CDH23: variants seen among roughly 807,000 people sequenced by gnomAD.
CDH23 encodes cadherin-23.
Under a neutral mutation model 317.1 loss-of-function variants are expected in CDH23, and 189 were observed. The observed-to-expected ratio is 0.60, with a 90% confidence interval of 0.53 to 0.67. The LOEUF (loss-of-function observed/expected upper bound fraction) is 0.67. CDH23 is among the 30% of genes least tolerant of loss of function. CDH23 has a pLI of 0.00. For synonymous variants in CDH23, 1,839 were observed against 1,876.8 expected (o/e 0.98, Z 0.52); for missense variants, 4,401 against 4,592.4 (o/e 0.96, Z 1.20).
chr10:71,613,743 G>T (rs1861033224), intron 9 of CDH23, among the ~76,000 whole-genome samples: 1 of 152,226 alleles, frequency 6.6e-6, no homozygotes, highest in Admixed American at 6.5e-5. Flanking sequence ...TTTAGAGTTG[G>T]GGAAGGGGAA....
Position 71,691,601 on chromosome 10 carries a change from G to A in CDH23, c.2176+1017G>A, listed in dbSNP as rs540427042. 5.9e-5 allele frequency among the ~76,000 whole-genome samples: 9 copies of A among 152,318 alleles called. No individual in the cohort carries two copies. The South Asian group carries it at 1.9e-3, about 32-fold the overall frequency. ...ACAGCCTTCCACATGATGATTCTGG[G>A]ACCCAGGCCCCTTCCATGTTGTGGC... is the stretch of plus-strand genomic sequence containing the variant. On this transcript the variant is annotated intron_variant, in intron 20 of 69. Coordinates refer to ENST00000224721, the MANE Select transcript of CDH23 (RefSeq NM_022124.6).
chr10:71,477,955 T>C (rs1048647984), intron 3 of CDH23, among the ~76,000 whole-genome samples: 5 of 152,110 alleles, frequency 3.3e-5, no homozygotes, highest in African/African-American at 1.2e-4. Context: ...CATGGTACTT[T>C]TTCTCTTCTC....
chr10:71,508,877 G>A (rs1260198508), intron 3 of CDH23, among the ~76,000 whole-genome samples: 1 of 152,220 alleles, frequency 6.6e-6, no homozygotes, highest in African/African-American at 2.4e-5. Context: ...AAGCTAAGGA[G>A]ACCAACCATC....
intron 11 of CDH23, among the ~76,000 whole-genome samples, chr10:71,640,986 C>G (rs1722889291): frequency 6.6e-6 from 1 of 152,162 alleles, no homozygotes; most frequent in South Asian, 2.1e-4. Context: ...ATGCGGATGC[C>G]TATGCTTCCA....
At chr10:71,806,336 G>A (rs1841722319) in intron 57 of CDH23, 55 bp downstream of exon 57, 1 of 1,216,214 alleles carries the variant, frequency 8.2e-7, no homozygotes, top group Non-Finnish European at 1.2e-6. Context: ...TCACCTGCCT[G>A]CAAGCACACA....
chr10:71,779,545 TTG>T, intron 41 of CDH23, 98 bp downstream of exon 41: 2 of 970,554 alleles, frequency 2.1e-6, no homozygotes, highest in Non-Finnish European at 3.0e-6. Flanking sequence ...GGCCTCACCA[TTG>T]TGTGATTTTG....
chr10:71,761,694 G>A (rs771290690), intron 38 of CDH23: 9 of 1,613,894 alleles, frequency 5.6e-6, no homozygotes, highest in Non-Finnish European at 6.8e-6. Context: ...CCGCTATCCA[G>A]CAGGGTCAGG....
chr10:71,422,164 T>C (rs1848848623), intron 1 of CDH23, among the ~76,000 whole-genome samples: 1 of 152,198 alleles, frequency 6.6e-6, no homozygotes, highest in Non-Finnish European at 1.5e-5. Flanking sequence ...GGTGGGACAT[T>C]GTGGGGCAGC....
chr10:71,688,711 T>A (rs1050251894), intron 19 of CDH23, among the ~76,000 whole-genome samples: 3 of 108,298 alleles, frequency 2.8e-5, no homozygotes, highest in Non-Finnish European at 3.8e-5. Flanking sequence ...CCAGGGGTGG[T>A]GGAGTCAGGG....
At chr10:71,541,767 C>A (rs1856000833) in intron 6 of CDH23, among the ~76,000 whole-genome samples, 1 of 152,216 alleles carries the variant, frequency 6.6e-6, no homozygotes, top group Non-Finnish European at 1.5e-5. Context: ...TGCAACCACT[C>A]ACCTTTCTTG....
At chr10:71,536,406 G>GGGCTA (rs1307807190) in intron 6 of CDH23, among the ~76,000 whole-genome samples, 5 of 152,222 alleles carry the variant, frequency 3.3e-5, no homozygotes, top group Non-Finnish European at 5.9e-5. Context: ...GGGGTGGGCT[G>GGGCTA]CGAACAGTGG....
intron 9 of CDH23, among the ~76,000 whole-genome samples, chr10:71,597,701 G>T (rs1457892898): frequency 1.3e-5 from 2 of 152,160 alleles, no homozygotes; most frequent in Non-Finnish European, 2.9e-5. Flanking sequence ...TCTGCCTTTA[G>T]CTTGCTAGAC....
At chr10:71,783,971 A>G (rs953469768) in intron 41 of CDH23, among the ~76,000 whole-genome samples, 1 of 152,118 alleles carries the variant, frequency 6.6e-6, no homozygotes, top group African/African-American at 2.4e-5. Context: ...CCACTTTTTC[A>G]ACATAGCCAT....
chr10:71,525,413 CCTTG>C (rs1170121988), intron 6 of CDH23, among the ~76,000 whole-genome samples: 1 of 152,232 alleles, frequency 6.6e-6, no homozygotes, highest in African/African-American at 2.4e-5. Context: ...GCTCTACCTG[CCTTG>C]CTTCTCTGTG....
At chr10:71,473,317 G>A (rs1851615600) in intron 3 of CDH23, among the ~76,000 whole-genome samples, 1 of 152,216 alleles carries the variant, frequency 6.6e-6, no homozygotes. Flanking sequence ...GATGGAGAAG[G>A]AAGACATAAA....
rs547049057 is a variant in CDH23, at chr10:71,419,755, T to C, written c.-5-20072T>C. 2.6e-5 allele frequency among the ~76,000 whole-genome samples: 4 copies of C among 152,336 alleles called. No homozygotes were observed. The South Asian group carries it at 8.3e-4, about 32-fold the overall frequency. On this transcript the variant is annotated intron_variant, in intron 1 of 69. Transcript: ENST00000224721. ...CTGGTGAACAGCAGCTCACTTTACCTGTAAACACCTCAGCATGTGTATCAG... is the reference window on the plus strand; with the variant it reads ...CTGGTGAACAGCAGCTCACTTTACCCGTAAACACCTCAGCATGTGTATCAG...
At chr10:71,773,241 G>GGGT in intron 38 of CDH23, 1 of 1,189,022 alleles carries the variant, frequency 8.4e-7, no homozygotes. Context: ...GGGTGGAGTG[G>GGGT]GGTGCACGGT....
chr10:71,510,094 C>A lies in CDH23; in HGVS notation c.158C>A (p.Thr53Asn), dbSNP rs761428295. 1.2e-4 allele frequency: 193 copies of A among 1,613,928 alleles called. No individual in the cohort carries two copies. Among genetic ancestry groups the A allele is most frequent in the Non-Finnish European group, 1.6e-4 (187 of 1,179,902 alleles). The change falls in exon 4 of 70, where the codon ACC becomes AAC. Residue 53 changes from threonine to asparagine, a missense_variant. Transcript: ENST00000224721. ...SEDTPVGSSVTQLLAQDMDND... is the reference protein window; with the variant it reads ...SEDTPVGSSVNQLLAQDMDND... The stretch of plus-strand genomic sequence containing the variant: ...TTGGCTACTCCAGGTTCTTCTGTGA[C>A]CCAGTTGCTGGCCCAAGACATGGAC...
intron 40 of CDH23, 95 bp from the exon 41 acceptor site, chr10:71,779,172 C>G: frequency 8.4e-7 from 1 of 1,196,538 alleles, no homozygotes; most frequent in Non-Finnish European, 1.2e-6. Flanking sequence ...CCTCATGAGG[C>G]AGAATTATCA....
Sources: gnomAD v4.1 joint callset for allele counts (sites outside exome capture counted in the v4.1 genomes callset) on GRCh38, gnomAD v4.1.1 for gene constraint, MANE v1.5 for transcripts, NCBI Gene and HGNC (gene_info 2026-07-23, HGNC 2026-07-21) for gene names.